FBXO32: variants seen among roughly 807,000 people sequenced by gnomAD.
The protein encoded by FBXO32 is F-box only protein 32.
Under a neutral mutation model 48.3 loss-of-function variants are expected in FBXO32, and 15 were observed. That is an observed-to-expected ratio of 0.31 (90% CI 0.21 to 0.48). The LOEUF (loss-of-function observed/expected upper bound fraction) is 0.48. FBXO32 is among the 20% of genes least tolerant of loss of function. The pLI is 0.99. For missense variants in FBXO32, 309 were observed against 432.7 expected, an observed-to-expected ratio of 0.71 and a Z score of 2.54; for synonymous variants, 154 against 165.9, an observed-to-expected ratio of 0.93 and a Z score of 0.55.
intron 4 of FBXO32, among the ~76,000 whole-genome samples, chr8:123,516,818 G>A (rs1313342989): frequency 6.6e-6 from 1 of 152,066 alleles, no homozygotes; most frequent in Non-Finnish European, 1.5e-5. Flanking sequence ...ATTAGTACTG[G>A]TGATCTAGTT....
chr8:123,540,791 C>T lies in FBXO32; in HGVS notation c.116+108G>A. 2 of 943,086 alleles carry T rather than the reference C, an allele frequency of 2.1e-6. No homozygotes were observed. The highest frequency in any genetic ancestry group is 2.9e-5 in the South Asian group (2 of 69,146). The allele number at this position is 943,086 out of a possible 1,614,324, so 58.4% of individuals were successfully genotyped here. A position where few individuals can be genotyped will look rare whatever the true frequency, so the allele number is the denominator to read the frequency against. On this transcript the variant is annotated intron_variant, in intron 1 of 8. Transcript: ENST00000517956. The surrounding 1 kb of genome is among the most constrained non-coding windows in gnomAD (Gnocchi z 6.4). ...CCACCCTCCGGGTCAGGGTCTCCCTCCTCAGCCCGCTCCAGCCCTGCCTGC... is the reference window on the plus strand; with the variant it reads ...CCACCCTCCGGGTCAGGGTCTCCCTTCTCAGCCCGCTCCAGCCCTGCCTGC...
intron 4 of FBXO32, among the ~76,000 whole-genome samples, chr8:123,530,676 C>T (rs1212995202): frequency 6.6e-5 from 10 of 152,134 alleles, no homozygotes; most frequent in Admixed American, 2.6e-4. Flanking sequence ...AGTGCAATGG[C>T]GCCATCTCGC....
At chr8:123,512,228 C>T (rs1264040040) in intron 6 of FBXO32, among the ~76,000 whole-genome samples, 3 of 152,194 alleles carry the variant, frequency 2.0e-5, no homozygotes, top group Non-Finnish European at 4.4e-5. Flanking sequence ...TCTGAGCCTT[C>T]GAATGATTCT....
rs139647325 is a variant in FBXO32 at position 123,499,673 on chromosome 8, C to T, written c.*3700G>A. 1.6e-4 allele frequency: 24 copies of T among 152,258 alleles called. 1 individual carries two copies. The East Asian group carries it at 4.2e-3, about 27-fold the overall frequency. 9.4% of individuals were successfully genotyped at this position (152,258 alleles called of 1,614,324 possible). A position where few individuals can be genotyped will look rare whatever the true frequency, so the allele number is the denominator to read the frequency against. On this transcript the variant is annotated 3_prime_UTR_variant, in exon 9 of 9. Transcript: ENST00000517956. ...ATTGTATTGAATGCTAAGAATGATA[C>T]ACTGTTGAACATCTCCTGAATGGTT... is the stretch of plus-strand genomic sequence containing the variant.
At chr8:123,532,191 CTCAG>C (rs1326831810) in intron 3 of FBXO32, 3 of 1,371,638 alleles carry the variant, frequency 2.2e-6, no homozygotes, top group Non-Finnish European at 2.8e-6. Flanking sequence ...CAGCAGCTGC[CTCAG>C]TCAGCCCCTC....
At chr8:123,529,531 G>C (rs564156879) in intron 4 of FBXO32, among the ~76,000 whole-genome samples, 1 of 152,282 alleles carries the variant, frequency 6.6e-6, no homozygotes, top group Middle Eastern at 3.4e-3. Flanking sequence ...CCATGTCTTA[G>C]GGAGGTTGAG....
intron 1 of FBXO32, among the ~76,000 whole-genome samples, chr8:123,535,794 T>C (rs1017544435): frequency 5.9e-5 from 9 of 151,346 alleles, no homozygotes; most frequent in Non-Finnish European, 1.2e-4. Context: ...AAAACAGGAT[T>C]TATAATGCCA....
chr8:123,511,999 G>A (rs1322341801), intron 6 of FBXO32, among the ~76,000 whole-genome samples: 1 of 152,174 alleles, frequency 6.6e-6, no homozygotes, highest in Non-Finnish European at 1.5e-5. Flanking sequence ...CATTCACATG[G>A]TCAGACTATC....
chr8:123,526,372 G>A (rs1331297416), intron 4 of FBXO32, among the ~76,000 whole-genome samples: 2 of 151,978 alleles, frequency 1.3e-5, no homozygotes, highest in African/African-American at 4.8e-5. Flanking sequence ...ATTAACAGGT[G>A]TGTGCCACCA....
At chr8:123,519,383 C>G (rs1816903186) in intron 4 of FBXO32, among the ~76,000 whole-genome samples, 1 of 150,174 alleles carries the variant, frequency 6.7e-6, no homozygotes, top group African/African-American at 2.5e-5. Flanking sequence ...AACCCCATCT[C>G]TACTAAAAAT....
rs1284156432 is a variant in FBXO32 at position 123,506,086 on chromosome 8, G to A, written c.834+306C>T. Among the ~76,000 whole-genome samples, 2 of 151,940 alleles carry A rather than the reference G, an allele frequency of 1.3e-5. No homozygotes were observed. The highest frequency in any genetic ancestry group is 2.1e-4 in the South Asian group (1 of 4,794). On this transcript the variant is annotated intron_variant, in intron 7 of 8. Transcript: ENST00000517956. This position sits in a 1 kb window ranked among gnomAD's most constrained non-coding sequence, Gnocchi z 4.0. The stretch of plus-strand genomic sequence containing the variant: ...AAAAACAATAATAAAAAAATTATCC[G>A]GGTGTTGTGGCATGAGCCTGTAGTC...
At chr8:123,515,280 G>A (rs1283683533) in intron 4 of FBXO32, among the ~76,000 whole-genome samples, 1 of 152,174 alleles carries the variant, frequency 6.6e-6, no homozygotes, top group African/African-American at 2.4e-5. Flanking sequence ...CTGTTGCCCA[G>A]GCTGGAGTGC....
chr8:123,510,334 G>A (rs976667939), intron 6 of FBXO32, among the ~76,000 whole-genome samples: 9 of 152,250 alleles, frequency 5.9e-5, no homozygotes, highest in South Asian at 2.1e-4. Flanking sequence ...AGTTGGGGCC[G>A]GGCGCGGTGG....
chr8:123,518,016 G>A (rs556436002), intron 4 of FBXO32, among the ~76,000 whole-genome samples: 11 of 152,234 alleles, frequency 7.2e-5, no homozygotes, highest in East Asian at 5.8e-4. Context: ...CTATAGCACC[G>A]AAATGGCTAT....
intron 4 of FBXO32, 49 bp from the exon 5 acceptor site, chr8:123,514,382 T>C: frequency 1.4e-6 from 2 of 1,445,560 alleles, no homozygotes; most frequent in Non-Finnish European, 1.9e-6. Flanking sequence ...GAGATATTTT[T>C]CTCCTCTAAT....
chr8:123,510,198 C>T (rs779737045), intron 6 of FBXO32, among the ~76,000 whole-genome samples: 10 of 152,176 alleles, frequency 6.6e-5, no homozygotes, highest in African/African-American at 9.7e-5. Context: ...GGCACTGTGC[C>T]GTCTGCTTTC....
In FBXO32 at chr8:123,503,407, G is replaced by A; in HGVS notation, c.1034C>T (p.Ser345Leu). 6.2e-7 allele frequency: 1 copy of A among 1,614,242 alleles called. No individual in the cohort carries two copies. The highest frequency in any genetic ancestry group is 8.5e-7 in the Non-Finnish European group (1 of 1,180,042). The change falls in exon 9 of 9, where the codon TCA (serine) becomes TTA (leucine). Residue 345 changes from serine to leucine, a missense_variant. By Grantham distance (145) the Ser-to-Leu change is moderately radical. Coordinates refer to ENST00000517956, the MANE Select transcript of FBXO32 (RefSeq NM_058229.4). The part of the protein sequence containing the change: ...NNPESCSVSL[S>L]PQDFINLFKF ...GAACAAGTTGATAAAGTCCTGGGGTGAAAGTGAAACGGAGCAGCTCTCTGG... is the reference window on the plus strand; with the variant it reads ...GAACAAGTTGATAAAGTCCTGGGGTAAAAGTGAAACGGAGCAGCTCTCTGG...
rs372594890 is a variant in FBXO32 at position 123,533,327 on chromosome 8, A to G, written c.230-87T>C. 9.1e-5 allele frequency: 107 copies of G among 1,170,410 alleles called. 2 individuals carry two copies. Among genetic ancestry groups the G allele is most frequent in the South Asian group, 4.9e-4 (36 of 74,028 alleles). 72.5% of individuals were successfully genotyped at this position (1,170,410 alleles called of 1,614,324 possible). The stretch of plus-strand genomic sequence containing the variant: ...TTCATTTCATTTATTCCAAAGTTTT[A>G]AAAGTTTTGACAAAAAAGATAAGGA... On this transcript the variant is annotated intron_variant, in intron 2 of 8. Coordinates refer to ENST00000517956, the MANE Select transcript of FBXO32 (RefSeq NM_058229.4).
At chr8:123,520,819 C>T (rs1339056155) in intron 4 of FBXO32, among the ~76,000 whole-genome samples, 2 of 152,206 alleles carry the variant, frequency 1.3e-5, no homozygotes, top group African/African-American at 4.8e-5. Flanking sequence ...AGCTCCTTAC[C>T]ATGACTGGCA....
Sources: gnomAD v4.1 joint callset for allele counts (sites outside exome capture counted in the v4.1 genomes callset) on GRCh38, gnomAD v4.1.1 for gene constraint, Gnocchi (gnomAD v3.1) non-coding constraint, MANE v1.5 for transcripts, NCBI Gene and HGNC (gene_info 2026-07-23, HGNC 2026-07-21) for gene names.